The following NKAIN3 variants were observed in gnomAD, a reference collection of about 807,000 sequenced individuals.
NKAIN3 encodes the protein sodium/potassium-transporting ATPase subunit beta-1-interacting protein 3.
In NKAIN3, 25 loss-of-function variants were observed where a neutral mutation model predicts 30.2. The observed-to-expected ratio is 0.83, with a 90% CI of 0.60 to 1.16. The LOEUF (loss-of-function observed/expected upper bound fraction) is 1.16. Among genes scored for constraint, NKAIN3 ranks in the 50% most tolerant of loss-of-function variants. The probability of loss-of-function intolerance (pLI) is 0.00; values close to 1 mark genes in which losing one functional copy is unlikely to be tolerated. For missense variants in NKAIN3, 225 were observed against 254.1 expected (o/e 0.89, Z 0.78); for synonymous variants, 91 against 89.6 (o/e 1.02, Z -0.09).
At position 62,900,599 on chromosome 8, in the gene NKAIN3, G is replaced by A. The variant is rs980053559; in HGVS notation, c.472-17854G>A. On this transcript the variant is annotated intron_variant, in intron 4 of 6. Coordinates refer to ENST00000623646, the MANE Select transcript of NKAIN3 (RefSeq NM_001304533.3). ...AAATCAACAATACAACTTAGCACTT[G>A]GAGATAGAAGGACTTAGTGAATTAA... 1.1e-4 allele frequency among the ~76,000 whole-genome samples: 16 copies of A among 152,272 alleles called. No individual in the cohort carries two copies. In the East Asian group the frequency reaches 2.3e-3, roughly 22 times the overall value.
intron 1 of NKAIN3, among the ~76,000 whole-genome samples, chr8:62,319,217 T>C (rs1484915961): frequency 6.6e-6 from 1 of 152,048 alleles, no homozygotes; most frequent in African/African-American, 2.4e-5. Context: ...ATTTTATTCT[T>C]CTCTTTTCTT....
chr8:62,956,148 A>G (rs1823411969), intron 6 of NKAIN3, among the ~76,000 whole-genome samples: 2 of 152,090 alleles, frequency 1.3e-5, no homozygotes. Flanking sequence ...CTGTCAATCT[A>G]CTTGATTTCT....
In NKAIN3 at chr8:62,591,549, A is replaced by T. The variant is rs188312828; in HGVS notation, c.273+1755A>T. Reference sequence around the variant, plus strand: ...CTGCTATTCAAGGTTATTTTTGTGAATTTTTGTAACTGCTTTTCTAATATC... The same window carrying T: ...CTGCTATTCAAGGTTATTTTTGTGATTTTTTGTAACTGCTTTTCTAATATC... On this transcript the variant is annotated intron_variant, in intron 3 of 6. Transcript: ENST00000623646. Among the ~76,000 whole-genome samples the T allele has an allele frequency of 1.4e-3, 208 of 152,088 alleles. 1 individual carries two copies. The highest frequency in any genetic ancestry group is 3.6e-3 in the African/African-American group (150 of 41,538).
At chr8:62,832,448 C>T (rs2130747139) in intron 4 of NKAIN3, among the ~76,000 whole-genome samples, 1 of 152,048 alleles carries the variant, frequency 6.6e-6, no homozygotes, top group East Asian at 1.9e-4. Flanking sequence ...TTAAAAGGCA[C>T]AGAGTGGCCA....
intron 1 of NKAIN3, among the ~76,000 whole-genome samples, chr8:62,348,767 A>G (rs1816089755): frequency 6.6e-6 from 1 of 152,242 alleles, no homozygotes; most frequent in Admixed American, 6.5e-5. Flanking sequence ...ACCATTGGAG[A>G]TACTAGTTTG....
At chr8:62,493,225 T>A (rs1212287775) in intron 1 of NKAIN3, among the ~76,000 whole-genome samples, 1 of 151,954 alleles carries the variant, frequency 6.6e-6, no homozygotes, top group Non-Finnish European at 1.5e-5. Context: ...GGGGTTCAAT[T>A]TCAATCTTCT....
intron 3 of NKAIN3, among the ~76,000 whole-genome samples, chr8:62,623,939 G>A (rs1332491958): frequency 6.6e-6 from 1 of 152,080 alleles, no homozygotes; most frequent in Non-Finnish European, 1.5e-5. Context: ...TATTCTAAAC[G>A]AAGGGTGGAT....
At chr8:62,712,265 G>C (rs1471218935) in intron 3 of NKAIN3, among the ~76,000 whole-genome samples, 2 of 152,124 alleles carry the variant, frequency 1.3e-5, no homozygotes, top group African/African-American at 4.8e-5. Flanking sequence ...GGTAGTATGG[G>C]TAGGAACTGG....
intron 3 of NKAIN3, among the ~76,000 whole-genome samples, chr8:62,731,063 T>C (rs1815447257): frequency 6.6e-6 from 1 of 152,122 alleles, no homozygotes; most frequent in Non-Finnish European, 1.5e-5. Flanking sequence ...CACAAAAATC[T>C]ACCCTACACT....
intron 1 of NKAIN3, among the ~76,000 whole-genome samples, chr8:62,419,883 G>A (rs1804576491): frequency 6.6e-6 from 1 of 152,100 alleles, no homozygotes; most frequent in African/African-American, 2.4e-5. Context: ...GCCCATCCTT[G>A]TTTTTTCAAT....
chr8:62,476,691 G>A (rs752055820), intron 1 of NKAIN3, among the ~76,000 whole-genome samples: 6 of 151,988 alleles, frequency 3.9e-5, no homozygotes, highest in African/African-American at 7.3e-5. Context: ...TCCTGACCTC[G>A]TGATCCTCCC....
chr8:62,678,933 G>C (rs1158628728), intron 3 of NKAIN3, among the ~76,000 whole-genome samples: 1 of 152,044 alleles, frequency 6.6e-6, no homozygotes, highest in African/African-American at 2.4e-5. Context: ...GGACATTTTT[G>C]TAACATTCCA....
intron 3 of NKAIN3, among the ~76,000 whole-genome samples, chr8:62,600,192 A>G (rs1810948121): frequency 6.6e-6 from 1 of 152,040 alleles, no homozygotes; most frequent in Non-Finnish European, 1.5e-5. Flanking sequence ...GTACTTACAT[A>G]TTAGTAGTCT....
rs532340437 is a variant in NKAIN3, at chr8:62,838,311, T to C, written c.472-80142T>C. Among the ~76,000 whole-genome samples, 3 of 151,978 alleles carry C rather than the reference T, an allele frequency of 2.0e-5. No homozygotes were observed. The South Asian group carries it at 6.2e-4, about 32-fold the overall frequency. On this transcript the variant is annotated intron_variant, in intron 4 of 6. Transcript: ENST00000623646. ...ATCATCAGAGGCAAAGTGAATTTTA[T>C]ATATATACATATATATATACACACA...
intron 4 of NKAIN3, among the ~76,000 whole-genome samples, chr8:62,781,859 A>G (rs1014984275): frequency 6.6e-6 from 1 of 152,014 alleles, no homozygotes; most frequent in Non-Finnish European, 1.5e-5. Flanking sequence ...ACACATAGAA[A>G]AAACTCTTTG....
chr8:62,763,462 T>A (rs1816738435), intron 4 of NKAIN3, among the ~76,000 whole-genome samples: 1 of 152,108 alleles, frequency 6.6e-6, no homozygotes, highest in Non-Finnish European at 1.5e-5. Context: ...TATTCTTTAT[T>A]TAAATTGATT....
At chr8:62,364,776 T>G (rs974858774) in intron 1 of NKAIN3, among the ~76,000 whole-genome samples, 2 of 126,594 alleles carry the variant, frequency 1.6e-5, no homozygotes, top group African/African-American at 3.1e-5. Flanking sequence ...AGGCAGAGCT[T>G]GCAGATCGCG....
At chr8:62,498,382 C>G (rs1182554420) in intron 1 of NKAIN3, among the ~76,000 whole-genome samples, 1 of 152,008 alleles carries the variant, frequency 6.6e-6, no homozygotes, top group African/African-American at 2.4e-5. Context: ...GCCACTTTCT[C>G]TTCATCTCAT....
rs1563603976 is a variant in NKAIN3 at position 62,870,257 on chromosome 8, T to TATATAGATATCTATAG, written c.472-48192_472-48191insAGATATCTATAGATAT. 3.4e-3 allele frequency among the ~76,000 whole-genome samples: 290 copies of TATATAGATATCTATAG among 84,682 alleles called. 26 individuals are homozygous for TATATAGATATCTATAG. The highest frequency in any genetic ancestry group is 0.014 in the African/African-American group (244 of 17,864). The allele number at this position is 84,682 out of a possible 152,430, so 55.6% of individuals were successfully genotyped here. On this transcript the variant is annotated intron_variant, in intron 4 of 6. Transcript: ENST00000623646. ...ATAGATATCTATAGATATCTATATA[T>TATATAGATATCTATAG]ATATCTATATATAGATATATATAAA...
Sources: allele counts gnomAD v4.1 joint callset (sites outside exome capture counted in the v4.1 genomes callset), GRCh38; gene constraint gnomAD v4.1.1; transcripts MANE v1.5; gene names NCBI Gene and HGNC (gene_info 2026-07-23, HGNC 2026-07-21).